Variants in PNRC2 observed in about 807,000 individuals in gnomAD.
PNRC2 encodes the protein proline-rich nuclear receptor coactivator 2.
Under a neutral mutation model 12.2 loss-of-function variants are expected in PNRC2, and 2 were observed. That is an observed-to-expected ratio of 0.16 (90% CI 0.07 to 0.52). PNRC2 has a LOEUF of 0.52. Ranked by LOEUF, PNRC2 falls within the 20% of genes least tolerant of loss-of-function variation. PNRC2 has a pLI of 0.95. For missense variants in PNRC2, 115 were observed against 158.4 expected (o/e 0.73, Z 1.47); for synonymous variants, 44 against 53.9 (o/e 0.82, Z 0.80).
chr1:23,959,799 G>A (rs951124421), upstream of PNRC2: 1 of 152,416 alleles, frequency 6.6e-6, no homozygotes, highest in Admixed American at 6.5e-5. Flanking sequence ...TCCCGGCCCT[G>A]CTTCTGCAGT....
rs1473861452 is a variant in PNRC2 at position 23,963,006 on chromosome 1, C to A, written c.*1129C>A. 6.0e-6 allele frequency: 1 copy of A among 166,946 alleles called. No homozygotes were observed. The highest frequency in any genetic ancestry group is 1.5e-5 in the Non-Finnish European group (1 of 68,050). The allele number at this position is 166,946 out of a possible 1,614,324, so 10.3% of individuals were successfully genotyped here. A position where few individuals can be genotyped will look rare whatever the true frequency, so the allele number is the denominator to read the frequency against. On this transcript the variant is annotated 3_prime_UTR_variant, in exon 3 of 3. Transcript: ENST00000334351. ...GCCCAAAGATTAACTAGAGTCCCTCCAACCTTATAGATTGTTGGCTTTCAC... is the reference window on the plus strand; with the variant it reads ...GCCCAAAGATTAACTAGAGTCCCTCAAACCTTATAGATTGTTGGCTTTCAC...
At position 23,963,010 on chromosome 1, in the gene PNRC2, C is replaced by T. The variant is rs1163966297; in HGVS notation, c.*1133C>T. On this transcript the variant is annotated 3_prime_UTR_variant, in exon 3 of 3. Coordinates refer to ENST00000334351, the MANE Select transcript of PNRC2 (RefSeq NM_017761.4). ...AAAGATTAACTAGAGTCCCTCCAAC[C>T]TTATAGATTGTTGGCTTTCACAATC... The T allele has an allele frequency of 1.2e-5, 2 of 166,936 alleles. No individual in the cohort carries two copies. The highest frequency in any genetic ancestry group is 2.9e-5 in the Non-Finnish European group (2 of 68,052). The allele number at this position is 166,936 out of a possible 1,614,324, so 10.3% of individuals were successfully genotyped here.
At chr1:23,961,236 C>T in intron 2 of PNRC2, 102 bp downstream of exon 2, 1 of 455,402 alleles carries the variant, frequency 2.2e-6, no homozygotes, top group East Asian at 3.2e-5. Context: ...GCTCATTTTT[C>T]TTAGGGAAGG....
upstream of PNRC2, among the ~76,000 whole-genome samples, chr1:23,959,619 A>G (rs1000070763): frequency 2.0e-5 from 3 of 152,180 alleles, no homozygotes; most frequent in East Asian, 1.9e-4. Flanking sequence ...GGACTAAGAC[A>G]CCGGTGGACC....
chr1:23,960,410 A>G (rs1169949234), intron 1 of PNRC2, among the ~76,000 whole-genome samples: 1 of 152,186 alleles, frequency 6.6e-6, no homozygotes, highest in African/African-American at 2.4e-5. Flanking sequence ...AGATGGGCTT[A>G]GACTGTTAGG....
chr1:23,959,319 C>A (rs1641233203), upstream of PNRC2: 1 of 148,438 alleles, frequency 6.7e-6, no homozygotes, highest in East Asian at 2.0e-4. Context: ...CGGCTTCGGA[C>A]GCGGAGTTGT....
chr1:23,963,011 T>G lies in PNRC2; in HGVS notation c.*1134T>G, dbSNP rs1379742198. 6.0e-6 allele frequency: 1 copy of G among 167,060 alleles called. No individual in the cohort carries two copies. Among genetic ancestry groups the G allele is most frequent in the Non-Finnish European group, 1.5e-5 (1 of 68,068 alleles). 10.3% of individuals were successfully genotyped at this position (167,060 alleles called of 1,614,324 possible). ...AAGATTAACTAGAGTCCCTCCAACC[T>G]TATAGATTGTTGGCTTTCACAATCT... On this transcript the variant is annotated 3_prime_UTR_variant, in exon 3 of 3. Transcript: ENST00000334351.
At chr1:23,959,340 G>C (rs1338480330), upstream of PNRC2, 2 of 152,224 alleles carry the variant, frequency 1.3e-5, no homozygotes, top group Non-Finnish European at 2.9e-5. Flanking sequence ...GGGTGTGGGA[G>C]AGAGGCGACC....
rs1185082459 is a variant in PNRC2, at chr1:23,962,990, T to G, written c.*1113T>G. 8 of 167,016 alleles carry G rather than the reference T, an allele frequency of 4.8e-5. No individual in the cohort carries two copies. Among genetic ancestry groups the G allele is most frequent in the Non-Finnish European group, 7.3e-5 (5 of 68,076 alleles). The allele number at this position is 167,016 out of a possible 1,614,324, so 10.3% of individuals were successfully genotyped here. A position where few individuals can be genotyped will look rare whatever the true frequency, so the allele number is the denominator to read the frequency against. ...TTTTTTCCTCCTCTAAGCCCAAAGA[T>G]TAACTAGAGTCCCTCCAACCTTATA... On this transcript the variant is annotated 3_prime_UTR_variant, in exon 3 of 3. Transcript: ENST00000334351.
At chr1:23,959,177 G>A (rs1317034989), upstream of PNRC2, 2 of 152,264 alleles carry the variant, frequency 1.3e-5, no homozygotes, top group African/African-American at 4.8e-5. Flanking sequence ...TGAACTTAAG[G>A]ACCAATGGGG....
chr1:23,962,675 A>G lies in PNRC2; in HGVS notation c.*798A>G, dbSNP rs1418086171. ...AATATCTGTAATAAACTTGTAGCAT[A>G]TGTAAAGTTTTCTTGGCCTTTATCT... On this transcript the variant is annotated 3_prime_UTR_variant, in exon 3 of 3. Transcript: ENST00000334351. 1 of 167,036 alleles carries G rather than the reference A, an allele frequency of 6.0e-6. No homozygotes were observed. Among genetic ancestry groups the G allele is most frequent in the Non-Finnish European group, 1.5e-5 (1 of 68,072 alleles). 10.3% of individuals were successfully genotyped at this position (167,036 alleles called of 1,614,324 possible).
Position 23,961,521 on chromosome 1 carries a change from C to T in PNRC2, c.64C>T (p.Gln22Ter). Reference sequence around the variant, plus strand: ...ATCTAGAAATGTTAGTAAGAACCAACAACAGCTTAACAGACAGAAGACCAA... The same window carrying T: ...ATCTAGAAATGTTAGTAAGAACCAATAACAGCTTAACAGACAGAAGACCAA... The part of the protein sequence containing the change: ...PQSRNVSKNQ[Q>*]QLNRQKTKEQ... The change falls in exon 3 of 3, where the codon CAA (glutamine) becomes TAA (stop). Residue 22 changes from glutamine (Q) to a stop codon, truncating the protein, a stop_gained. Coordinates refer to ENST00000334351, the MANE Select transcript of PNRC2 (RefSeq NM_017761.4). LOFTEE classifies it high-confidence loss of function. The T allele has an allele frequency of 6.2e-7, 1 of 1,613,008 alleles. No individual in the cohort carries two copies.
At chr1:23,959,471 C>T (rs796109182), upstream of PNRC2, among the ~76,000 whole-genome samples, 7 of 152,336 alleles carry the variant, frequency 4.6e-5, no homozygotes, top group African/African-American at 1.2e-4. Flanking sequence ...CCAAACGTCC[C>T]CCGCCGGTCA....
rs1319696728 is a variant in PNRC2 at position 23,962,482 on chromosome 1, AG to A, written c.*606del. The A allele has an allele frequency of 6.0e-6, 1 of 167,010 alleles. No individual in the cohort carries two copies. The highest frequency in any genetic ancestry group is 1.5e-5 in the Non-Finnish European group (1 of 68,174). 10.3% of individuals were successfully genotyped at this position (167,010 alleles called of 1,614,324 possible). On this transcript the variant is annotated 3_prime_UTR_variant, in exon 3 of 3. Transcript: ENST00000334351. The stretch of plus-strand genomic sequence containing the variant: ...CAAATACACCAAAACCATTTTTTAT[AG>A]AAACAGTATTTAATGGTCACTCAAT...
intron 2 of PNRC2, 51 bp from the exon 3 acceptor site, chr1:23,961,389 G>A: frequency 8.9e-6 from 12 of 1,346,458 alleles, no homozygotes; most frequent in Non-Finnish European, 1.2e-5. Flanking sequence ...TAAAGATTTT[G>A]AACTTTTCTT....
chr1:23,962,471 C>T lies in PNRC2; in HGVS notation c.*594C>T, dbSNP rs1249450681. ...GTGTCTGTCAACAAATACACCAAAA[C>T]CATTTTTTATAGAAACAGTATTTAA... On this transcript the variant is annotated 3_prime_UTR_variant, in exon 3 of 3. Coordinates refer to ENST00000334351, the MANE Select transcript of PNRC2 (RefSeq NM_017761.4). 3 of 166,780 alleles carry T rather than the reference C, an allele frequency of 1.8e-5. No homozygotes were observed. The highest frequency in any genetic ancestry group is 1.5e-5 in the Non-Finnish European group (1 of 68,126). The allele number at this position is 166,780 out of a possible 1,614,324, so 10.3% of individuals were successfully genotyped here.
Position 23,961,977 on chromosome 1 carries a change from T to TA in PNRC2, c.*108dup, listed in dbSNP as rs201235780. 4,693 of 696,266 alleles carry TA rather than the reference T, an allele frequency of 6.7e-3. 137 individuals are homozygous for TA. The highest frequency in any genetic ancestry group is 0.064 in the African/African-American group (3,582 of 55,732). 43.1% of individuals were successfully genotyped at this position (696,266 alleles called of 1,614,324 possible). ...TCTATTTGTGTAGAACTAATTAATG[T>TA]AAAAAAAATAGACCATCTCGTGTTG... On this transcript the variant is annotated 3_prime_UTR_variant, in exon 3 of 3. Transcript: ENST00000334351.
chr1:23,962,148 G>C lies in PNRC2; in HGVS notation c.*271G>C, dbSNP rs1641292537. 3 of 296,244 alleles carry C rather than the reference G, an allele frequency of 1.0e-5. No homozygotes were observed. The East Asian group carries it at 2.1e-4, about 21-fold the overall frequency. 18.4% of individuals were successfully genotyped at this position (296,244 alleles called of 1,614,324 possible). A position where few individuals can be genotyped will look rare whatever the true frequency, so the allele number is the denominator to read the frequency against. The stretch of plus-strand genomic sequence containing the variant: ...AAGGAATCAGCTTTTTCTATTGTTA[G>C]GGGAAGACAGTAATTTATCATTCAT... On this transcript the variant is annotated 3_prime_UTR_variant, in exon 3 of 3. Transcript: ENST00000334351.
rs1641294232 is a variant in PNRC2, at chr1:23,962,219, T to C, written c.*342T>C. On this transcript the variant is annotated 3_prime_UTR_variant, in exon 3 of 3. Coordinates refer to ENST00000334351, the MANE Select transcript of PNRC2 (RefSeq NM_017761.4). The stretch of plus-strand genomic sequence containing the variant: ...GTTGGTGAATCGGATTATAAGCTTC[T>C]AGCTAACACAAGGATTCAGAATTAG... 1.0e-5 allele frequency: 2 copies of C among 199,170 alleles called. No homozygotes were observed. The highest frequency in any genetic ancestry group is 4.7e-5 in the African/African-American group (2 of 42,164). The allele number at this position is 199,170 out of a possible 1,614,324, so 12.3% of individuals were successfully genotyped here.
Sources: allele counts gnomAD v4.1 joint callset (sites outside exome capture counted in the v4.1 genomes callset), GRCh38; gene constraint gnomAD v4.1.1; transcripts MANE v1.5; gene names NCBI Gene and HGNC (gene_info 2026-07-23, HGNC 2026-07-21).